SYNRG: variants seen among roughly 807,000 people sequenced by gnomAD.
SYNRG encodes the protein AP1 gamma subunit binding protein 1.
Under a neutral mutation model 130.9 loss-of-function variants are expected in SYNRG, and 37 were observed. That is an observed-to-expected ratio of 0.28 (90% CI 0.22 to 0.37). The LOEUF (loss-of-function observed/expected upper bound fraction) is 0.37. Among genes scored for constraint, SYNRG ranks in the 10% least tolerant of loss-of-function variants. SYNRG has a pLI of 1.00. For synonymous variants in SYNRG, 539 were observed against 568.1 expected (o/e 0.95, Z 0.73); for missense variants, 1,338 against 1,588.9 (o/e 0.84, Z 2.68).
At chr17:37,552,105 T>C (rs1410417624) in intron 14 of SYNRG, among the ~76,000 whole-genome samples, 3 of 152,216 alleles carry the variant, frequency 2.0e-5, no homozygotes, top group African/African-American at 7.2e-5. Context: ...GCAAAAGCTA[T>C]AGGACTTTAC....
intron 1 of SYNRG, among the ~76,000 whole-genome samples, chr17:37,608,253 A>G (rs1383988560): frequency 6.6e-6 from 1 of 152,160 alleles, no homozygotes; most frequent in African/African-American, 2.4e-5. Flanking sequence ...TAAGGTCCTT[A>G]CACTTTTGTA....
At chr17:37,566,879 A>G (rs2060040055) in intron 11 of SYNRG, 1 of 152,354 alleles carries the variant, frequency 6.6e-6, no homozygotes, top group South Asian at 2.1e-4. Context: ...TTAATTACAT[A>G]TGATGGGGCC....
intron 6 of SYNRG, among the ~76,000 whole-genome samples, chr17:37,582,510 A>G (rs74431573): frequency 0.045 from 6,869 of 152,250 alleles, 495 homozygotes; most frequent in African/African-American, 0.15. Flanking sequence ...TACATGGAAT[A>G]TATTTTGGCC....
At chr17:37,519,498 CAA>C (rs1156632512) in intron 21 of SYNRG, among the ~76,000 whole-genome samples, 1 of 152,050 alleles carries the variant, frequency 6.6e-6, no homozygotes, top group African/African-American at 2.4e-5. Flanking sequence ...CCTATCATGA[CAA>C]AAAATTACAA....
rs1245303001 is a variant in SYNRG at position 37,518,993 on chromosome 17, TC to T, written c.3891del (p.Trp1297Ter). On this transcript the variant is annotated frameshift_variant, in exon 22 of 22. Transcript: ENST00000612223. LOFTEE classifies it high-confidence loss of function. ...HQYHASCANFWINCVEPKPPG... is the reference protein window; with the variant it reads ...HQYHASCANFXINCVEPKPPG... ...GGAGGCTTTGGTTCGACACAGTTGA[TC>T]CAGAAGTTGGCACAGCTGGCGTGAT... 1 of 1,614,086 alleles carries T rather than the reference TC, an allele frequency of 6.2e-7. No individual in the cohort carries two copies. Among genetic ancestry groups the T allele is most frequent in the Non-Finnish European group, 8.5e-7 (1 of 1,180,050 alleles).
chr17:37,593,691 C>T (rs1476272478), intron 3 of SYNRG, among the ~76,000 whole-genome samples: 1 of 152,102 alleles, frequency 6.6e-6, no homozygotes, highest in Non-Finnish European at 1.5e-5. Flanking sequence ...TTGAAACCAG[C>T]CTGGTCAACA....
rs1342806255 is a variant in SYNRG, at chr17:37,514,814, A to T, written c.*4126T>A. On this transcript the variant is annotated 3_prime_UTR_variant, in exon 22 of 22. Coordinates refer to ENST00000612223, the MANE Select transcript of SYNRG (RefSeq NM_007247.6). ...AGGCTTAGTAGCCTGACATTCTTCT[A>T]CACTTGTATTTTGGTTAGAGAAGTT... The T allele has an allele frequency of 6.6e-6, 1 of 152,214 alleles. No individual in the cohort carries two copies. The highest frequency in any genetic ancestry group is 1.5e-5 in the Non-Finnish European group (1 of 68,052). 9.4% of individuals were successfully genotyped at this position (152,214 alleles called of 1,614,324 possible).
At chr17:37,535,643 A>G (rs1392117664) in intron 19 of SYNRG, among the ~76,000 whole-genome samples, 2 of 152,264 alleles carry the variant, frequency 1.3e-5, no homozygotes, top group Non-Finnish European at 2.9e-5. Context: ...TTGAAAGGAC[A>G]CGTATGGGGA....
chr17:37,579,467 A>G, intron 6 of SYNRG: 1 of 1,294,368 alleles, frequency 7.7e-7, no homozygotes, highest in Non-Finnish European at 1.0e-6. Flanking sequence ...GAAACACACA[A>G]AAATGGAAAC....
At chr17:37,569,983 C>T (rs533434808) in intron 10 of SYNRG, among the ~76,000 whole-genome samples, 3 of 152,186 alleles carry the variant, frequency 2.0e-5, no homozygotes, top group African/African-American at 2.4e-5. Flanking sequence ...TTTATTTAAC[C>T]TTTCTCCTCC....
chr17:37,575,167 G>C (rs555948443), intron 8 of SYNRG, among the ~76,000 whole-genome samples: 5 of 151,960 alleles, frequency 3.3e-5, no homozygotes, highest in Non-Finnish European at 7.4e-5. Flanking sequence ...GTAGTGGTGG[G>C]GGGGAATAAT....
intron 6 of SYNRG, chr17:37,579,427 G>A: frequency 7.7e-7 from 1 of 1,302,778 alleles, no homozygotes; most frequent in Non-Finnish European, 1.0e-6. Flanking sequence ...GAGATGATGT[G>A]GGGCAATCTG....
chr17:37,569,036 T>C (rs2060209880), intron 10 of SYNRG, 112 bp from the exon 11 acceptor site: 5 of 1,104,956 alleles, frequency 4.5e-6, no homozygotes, highest in Admixed American at 2.4e-5. Context: ...TTTAGATACA[T>C]TAACTCAAGT....
intron 18 of SYNRG, chr17:37,536,862 G>A (rs2057239926): frequency 2.6e-5 from 4 of 152,390 alleles, no homozygotes; most frequent in Middle Eastern, 3.4e-3. Flanking sequence ...CCCCTGCAAT[G>A]TAACAGTCAC....
chr17:37,548,545 T>G (rs977718968), intron 14 of SYNRG, among the ~76,000 whole-genome samples: 3 of 152,048 alleles, frequency 2.0e-5, no homozygotes, highest in African/African-American at 4.8e-5. Context: ...AGGCCGGGTG[T>G]GGTGGCTCAC....
At chr17:37,596,370 G>C (rs575947239) in intron 2 of SYNRG, 26 bp from the exon 3 acceptor site, 2 of 1,611,674 alleles carry the variant, frequency 1.2e-6, no homozygotes, top group Non-Finnish European at 8.5e-7. Context: ...CATTATTAAA[G>C]TCAATGTGTT....
intron 13 of SYNRG, among the ~76,000 whole-genome samples, chr17:37,558,501 G>A (rs2059283551): frequency 6.6e-6 from 1 of 152,142 alleles, no homozygotes; most frequent in African/African-American, 2.4e-5. Context: ...TTTACAGTAG[G>A]ATTTAACCAC....
At chr17:37,593,098 A>G (rs894573261) in intron 3 of SYNRG, among the ~76,000 whole-genome samples, 13 of 152,156 alleles carry the variant, frequency 8.5e-5, no homozygotes, top group Admixed American at 5.9e-4. Flanking sequence ...ATAATAATCA[A>G]TAATAATATA....
intron 1 of SYNRG, among the ~76,000 whole-genome samples, chr17:37,604,732 A>G (rs1413512242): frequency 6.6e-6 from 1 of 152,170 alleles, no homozygotes; most frequent in Admixed American, 6.5e-5. Context: ...ACTAAGCTTT[A>G]TCATTTCTAG....
Sources: gnomAD v4.1 joint callset for allele counts (sites outside exome capture counted in the v4.1 genomes callset) on GRCh38, gnomAD v4.1.1 for gene constraint, MANE v1.5 for transcripts, NCBI Gene and HGNC (gene_info 2026-07-23, HGNC 2026-07-21) for gene names.